LEPR: variants seen among roughly 807,000 people sequenced by gnomAD.
LEPR encodes the protein leptin receptor.
In LEPR, 56 loss-of-function variants were observed where a neutral mutation model predicts 114.7. The ratio of observed to expected loss-of-function variants is 0.49; its 90% CI spans 0.39 to 0.61. The LOEUF (loss-of-function observed/expected upper bound fraction) is 0.61, where lower values mean the gene tolerates loss of function less well. LEPR is among the 20% of genes least tolerant of loss of function. The pLI, the probability that LEPR is intolerant of heterozygous loss-of-function variation, is 0.00. For missense variants in LEPR, 1,202 were observed against 1,352.9 expected (o/e 0.89, Z 1.75); for synonymous variants, 443 against 461.4 (o/e 0.96, Z 0.51).
At chr1:65,461,057 C>A (rs1646939026) in intron 2 of LEPR, among the ~76,000 whole-genome samples, 1 of 149,864 alleles carries the variant, frequency 6.7e-6, no homozygotes, top group Admixed American at 6.7e-5. Context: ...CTCACTGCAA[C>A]CTCCGTCTCC....
At chr1:65,629,704 C>T (rs1052004461) in intron 19 of LEPR, among the ~76,000 whole-genome samples, 1 of 151,158 alleles carries the variant, frequency 6.6e-6, no homozygotes, top group Non-Finnish European at 1.5e-5. Flanking sequence ...TGCTGTCTTT[C>T]TTTCTCCTTC....
chr1:65,448,950 G>T (rs1646745995), intron 2 of LEPR, among the ~76,000 whole-genome samples: 1 of 152,168 alleles, frequency 6.6e-6, no homozygotes, highest in Non-Finnish European at 1.5e-5. Context: ...CTGGAGTGCA[G>T]TGGTGCTATC....
intron 2 of LEPR, among the ~76,000 whole-genome samples, chr1:65,541,857 C>T (rs1461518295): frequency 6.6e-6 from 1 of 152,174 alleles, no homozygotes; most frequent in African/African-American, 2.4e-5. Context: ...TACTCATAAA[C>T]TTTCCTACAC....
At chr1:65,433,645 T>C in intron 2 of LEPR, 1 of 985,428 alleles carries the variant, frequency 1.0e-6, no homozygotes, top group East Asian at 1.1e-4. Context: ...GTTCATGATT[T>C]TATGTTTTCA....
intron 2 of LEPR, among the ~76,000 whole-genome samples, chr1:65,565,140 T>C (rs1653639653): frequency 6.6e-6 from 1 of 152,204 alleles, no homozygotes; most frequent in South Asian, 2.1e-4. Flanking sequence ...ATAAAGACTT[T>C]AGAAAACAGG....
chr1:65,468,197 T>A (rs1023000320), intron 2 of LEPR, among the ~76,000 whole-genome samples: 1 of 152,176 alleles, frequency 6.6e-6, no homozygotes, highest in Admixed American at 6.5e-5. Context: ...TAGAAACTCT[T>A]ACAGCCAAGA....
intron 2 of LEPR, among the ~76,000 whole-genome samples, chr1:65,545,435 T>C (rs562318313): frequency 2.0e-5 from 3 of 151,254 alleles, no homozygotes; most frequent in Admixed American, 6.6e-5. Context: ...AGTGTAAAAG[T>C]GTTCCTATTT....
intron 2 of LEPR, among the ~76,000 whole-genome samples, chr1:65,482,855 G>A (rs1483843821): frequency 6.6e-6 from 1 of 152,000 alleles, no homozygotes; most frequent in African/African-American, 2.4e-5. Flanking sequence ...AGGCGTGGTG[G>A]CACACACCTG....
In LEPR at chr1:65,592,787, C is replaced by G. The variant is rs1269045893; in HGVS notation, c.625C>G (p.Leu209Val). Residue 209 changes from leucine to valine, a missense_variant, in exon 6 of 20, where the codon CTC (leucine) becomes GTC (valine). Physicochemically the swap from Leu to Val is conservative, Grantham distance 32. Transcript: ENST00000349533. ...GCCAACAGCCAAACTCAACGACACT[C>G]TCCTTATGTGTTTGAAAATCACATC... Reference protein sequence around the residue: ...PVPTAKLNDTLLMCLKITSGG... With the variant: ...PVPTAKLNDTVLMCLKITSGG... The G allele has an allele frequency of 1.1e-5, 17 of 1,613,272 alleles. No individual in the cohort carries two copies. Among genetic ancestry groups the G allele is most frequent in the Non-Finnish European group, 1.4e-5 (16 of 1,179,512 alleles).
intron 2 of LEPR, among the ~76,000 whole-genome samples, chr1:65,556,275 T>TA (rs1291597773): frequency 6.6e-6 from 1 of 152,132 alleles, no homozygotes; most frequent in Non-Finnish European, 1.5e-5. Context: ...TTCCTTTCTT[T>TA]ATAAGCCACT....
intron 2 of LEPR, among the ~76,000 whole-genome samples, chr1:65,444,866 A>T (rs936572846): frequency 3.3e-5 from 5 of 152,212 alleles, no homozygotes; most frequent in Non-Finnish European, 5.9e-5. Flanking sequence ...TTAGGTCCAT[A>T]TAACAATGAA....
chr1:65,545,617 G>T (rs1277675579), intron 2 of LEPR, among the ~76,000 whole-genome samples: 1 of 152,234 alleles, frequency 6.6e-6, no homozygotes, highest in African/African-American at 2.4e-5. Flanking sequence ...TTTGAGAAGT[G>T]TCTGTTCATA....
chr1:65,625,678 C>A lies in LEPR; in HGVS notation c.2673+2697C>A, dbSNP rs962258786. On this transcript the variant is annotated intron_variant, in intron 19 of 19. Coordinates refer to ENST00000349533, the MANE Select transcript of LEPR (RefSeq NM_002303.6). ...GTGGGGGTGAGTGGATAAAGTTAAG[C>A]AAATTACATTTGGGCCAAGATCTGG... Among the ~76,000 whole-genome samples the A allele has an allele frequency of 4.6e-5, 7 of 152,012 alleles. No individual in the cohort carries two copies. In the South Asian group the frequency reaches 1.5e-3, roughly 32 times the overall value.
intron 11 of LEPR, among the ~76,000 whole-genome samples, chr1:65,607,678 G>A (rs4606347): frequency 0.17 from 26,614 of 152,134 alleles, 2,487 homozygotes; most frequent in Middle Eastern, 0.24. Context: ...CTTCAGAGAC[G>A]CACTGTTATG....
At chr1:65,499,419 G>T (rs925904508) in intron 2 of LEPR, among the ~76,000 whole-genome samples, 47 of 152,194 alleles carry the variant, frequency 3.1e-4, no homozygotes, top group African/African-American at 1.1e-3. Flanking sequence ...TGAGCTGTAG[G>T]TTGGGTTGGG....
chr1:65,634,047 TCTTTGGAG>T, intron 19 of LEPR: 1 of 985,230 alleles, frequency 1.0e-6, no homozygotes, highest in East Asian at 1.1e-4. Context: ...AAAGGGAGAC[TCTTTGGAG>T]CTTTTATGAA....
intron 7 of LEPR, among the ~76,000 whole-genome samples, chr1:65,598,095 C>CTTTTATTTTTTTTTT (rs1656194091): frequency 9.9e-6 from 1 of 101,490 alleles, no homozygotes. Flanking sequence ...CCTCCTGCCT[C>CTTTTATTTTTTTTTT]TTTTTTTTTT....
intron 2 of LEPR, chr1:65,431,988 G>T: frequency 1.3e-6 from 2 of 1,491,616 alleles, no homozygotes; most frequent in Non-Finnish European, 8.9e-7. Context: ...GTGCACATGC[G>T]GCATTTTACT....
intron 5 of LEPR, among the ~76,000 whole-genome samples, chr1:65,578,803 A>G (rs536696748): frequency 6.6e-6 from 1 of 152,304 alleles, no homozygotes; most frequent in East Asian, 1.9e-4. Context: ...ACACACACAC[A>G]CAAGCATACT....
Sources: gnomAD v4.1 joint callset for allele counts (sites outside exome capture counted in the v4.1 genomes callset) on GRCh38, gnomAD v4.1.1 for gene constraint, MANE v1.5 for transcripts, NCBI Gene and HGNC (gene_info 2026-07-23, HGNC 2026-07-21) for gene names.